Variants in WARS2 observed in about 807,000 individuals in gnomAD.
The protein encoded by WARS2 is tryptophanyl tRNA synthetase 2, mitochondrial.
Under a neutral mutation model 36.5 loss-of-function variants are expected in WARS2, and 28 were observed. The observed-to-expected ratio is 0.77, with a 90% CI of 0.57 to 1.05. The LOEUF is 1.05. Among genes scored for constraint, WARS2 ranks in the 50% least tolerant of loss-of-function variants. The probability of loss-of-function intolerance (pLI) is 0.00; values close to 1 mark genes in which losing one functional copy is unlikely to be tolerated. For missense variants in WARS2, 435 were observed against 456.8 expected (o/e 0.95, Z 0.44); for synonymous variants, 174 against 178.4 (o/e 0.98, Z 0.20).
chr1:119,131,457 T>G (rs1325509038), intron 1 of WARS2, among the ~76,000 whole-genome samples: 1 of 135,004 alleles, frequency 7.4e-6, no homozygotes, highest in Admixed American at 7.0e-5. Flanking sequence ...CAAAGTTTTT[T>G]GTTTTTTGTT....
intron 5 of WARS2, among the ~76,000 whole-genome samples, chr1:119,033,734 A>C (rs923732403): frequency 6.6e-6 from 1 of 152,214 alleles, no homozygotes; most frequent in African/African-American, 2.4e-5. Flanking sequence ...TTTGATTAAC[A>C]GTGTTTCCAA....
Position 119,033,152 on chromosome 1 carries a change from G to A in WARS2, c.842C>T (p.Ala281Val). Residue 281 changes from alanine (A) to valine (V), a missense_variant, in exon 6 of 6, where the codon GCG becomes GTG. Transcript: ENST00000235521. ...GVSNIVAVHAAVTGLSVEEVV... is the reference protein window; with the variant it reads ...GVSNIVAVHAVVTGLSVEEVV... Reference sequence around the variant, plus strand: ...TTCCTCCACGGAGAGCCCCGTCACCGCGGCATGCACCGCCACTATGTTGGA... The same window carrying A: ...TTCCTCCACGGAGAGCCCCGTCACCACGGCATGCACCGCCACTATGTTGGA... 2 of 1,614,116 alleles carry A rather than the reference G, an allele frequency of 1.2e-6. No homozygotes were observed. The highest frequency in any genetic ancestry group is 2.2e-5 in the East Asian group (1 of 44,882).
intron 2 of WARS2, among the ~76,000 whole-genome samples, chr1:119,072,838 C>G (rs1181229561): frequency 6.6e-6 from 1 of 151,868 alleles, no homozygotes; most frequent in African/African-American, 2.4e-5. Context: ...TGTGTGGTAT[C>G]TGCTTTGAAA....
chr1:119,066,248 T>C (rs185324766), intron 2 of WARS2, among the ~76,000 whole-genome samples: 91 of 151,868 alleles, frequency 6.0e-4, no homozygotes, highest in Middle Eastern at 6.9e-3. Flanking sequence ...GAGGCTAAGG[T>C]GGGCGGATCA....
intron 1 of WARS2, among the ~76,000 whole-genome samples, chr1:119,086,193 G>T (rs755584413): frequency 1.3e-5 from 2 of 152,100 alleles, no homozygotes; most frequent in African/African-American, 2.4e-5. Flanking sequence ...ATTTTCAAGT[G>T]TTCATTCTGG....
chr1:119,046,943 A>C (rs1421207485), intron 2 of WARS2, among the ~76,000 whole-genome samples: 1 of 152,186 alleles, frequency 6.6e-6, no homozygotes, highest in Non-Finnish European at 1.5e-5. Flanking sequence ...CATCTGTTGT[A>C]AGATAGTTTC....
chr1:119,065,625 A>T (rs1164808444), intron 2 of WARS2, among the ~76,000 whole-genome samples: 1 of 134,696 alleles, frequency 7.4e-6, no homozygotes, highest in Non-Finnish European at 1.6e-5. Context: ...ACAGAGTGAG[A>T]CTCTGTCTCA....
At chr1:119,116,129 T>C (rs761102263) in intron 1 of WARS2, among the ~76,000 whole-genome samples, 4 of 152,222 alleles carry the variant, frequency 2.6e-5, no homozygotes, top group Non-Finnish European at 5.9e-5. Context: ...TTATTGAAGA[T>C]TTGACTTTCT....
intron 4 of WARS2, among the ~76,000 whole-genome samples, chr1:119,035,900 T>A (rs1382398158): frequency 2.6e-5 from 4 of 152,196 alleles, no homozygotes; most frequent in African/African-American, 9.6e-5. Context: ...GTTTCTCTTC[T>A]TCTAAGGTCA....
intron 1 of WARS2, among the ~76,000 whole-genome samples, chr1:119,127,766 A>AT (rs1227065527): frequency 3.3e-5 from 5 of 152,020 alleles, no homozygotes; most frequent in South Asian, 2.1e-4. Flanking sequence ...TCTGGACTAC[A>AT]TTTTTTCCCA....
intron 1 of WARS2, among the ~76,000 whole-genome samples, chr1:119,082,695 A>G (rs1235394270): frequency 6.6e-6 from 1 of 152,098 alleles, no homozygotes; most frequent in Non-Finnish European, 1.5e-5. Context: ...TACCATGGAG[A>G]TGTTAATGAA....
chr1:119,036,988 T>G (rs1412909959), intron 4 of WARS2, among the ~76,000 whole-genome samples: 1 of 152,224 alleles, frequency 6.6e-6, no homozygotes, highest in Non-Finnish European at 1.5e-5. Context: ...ATTCATCTTG[T>G]CTTTGATTCT....
intron 1 of WARS2, chr1:119,140,348 TCCA>T (rs1656864455): frequency 2.4e-6 from 1 of 413,704 alleles, no homozygotes; most frequent in Non-Finnish European, 4.2e-6. Context: ...GCGCGCTTTT[TCCA>T]CCAAGAAACC....
chr1:119,114,469 T>C (rs1448189678), intron 1 of WARS2, among the ~76,000 whole-genome samples: 1 of 152,124 alleles, frequency 6.6e-6, no homozygotes, highest in African/African-American at 2.4e-5. Flanking sequence ...AGTCCCTAAA[T>C]GAGGAGAAGA....
intron 1 of WARS2, among the ~76,000 whole-genome samples, chr1:119,088,189 C>T (rs1571341277): frequency 6.6e-6 from 1 of 152,034 alleles, no homozygotes; most frequent in Non-Finnish European, 1.5e-5. Context: ...AGAGAAGGTC[C>T]CTTCTAAGCC....
intron 2 of WARS2, chr1:119,047,479 T>A (rs1388760561): frequency 6.6e-6 from 1 of 152,210 alleles, no homozygotes; most frequent in East Asian, 1.9e-4. Flanking sequence ...TTTGGACATA[T>A]GGAATGAAAC....
chr1:119,103,006 G>C (rs745688352), intron 1 of WARS2, among the ~76,000 whole-genome samples: 1 of 152,074 alleles, frequency 6.6e-6, no homozygotes, highest in Non-Finnish European at 1.5e-5. Flanking sequence ...TCAATAAATG[G>C]GGATCTAAAG....
chr1:119,041,594 T>C (rs1438843618), intron 4 of WARS2, among the ~76,000 whole-genome samples: 1 of 152,202 alleles, frequency 6.6e-6, no homozygotes, highest in African/African-American at 2.4e-5. Context: ...TAAAGTTCAG[T>C]TCCTCTGTGG....
intron 1 of WARS2, among the ~76,000 whole-genome samples, chr1:119,123,354 A>C (rs781642845): frequency 1.3e-5 from 2 of 152,182 alleles, no homozygotes; most frequent in Non-Finnish European, 2.9e-5. Context: ...TTGGGTAATG[A>C]TAGCTTGATT....
Sources: allele counts gnomAD v4.1 joint callset (sites outside exome capture counted in the v4.1 genomes callset), GRCh38; gene constraint gnomAD v4.1.1; transcripts MANE v1.5; gene names NCBI Gene and HGNC (gene_info 2026-07-23, HGNC 2026-07-21).